Variants in CAMSAP1 observed in about 807,000 individuals in gnomAD.
The protein encoded by CAMSAP1 is calmodulin regulated spectrin associated protein 1.
In CAMSAP1, 58 loss-of-function variants were observed where a neutral mutation model predicts 143.5. The observed-to-expected ratio is 0.40, with a 90% CI of 0.33 to 0.50. The LOEUF is 0.50. Among genes scored for constraint, CAMSAP1 ranks in the 20% least tolerant of loss-of-function variants. CAMSAP1 has a pLI of 0.45. For synonymous variants in CAMSAP1, 945 were observed against 859.3 expected (o/e 1.10, Z -1.74); for missense variants, 1,969 against 2,115.7 (o/e 0.93, Z 1.36).
intron 1 of CAMSAP1, among the ~76,000 whole-genome samples, chr9:135,897,285 T>C (rs989378068): frequency 6.6e-6 from 1 of 152,038 alleles, no homozygotes; most frequent in African/African-American, 2.4e-5. Flanking sequence ...CCTGAGTAGC[T>C]GGGACTACAG....
chr9:135,827,647 C>A (rs888919954), intron 7 of CAMSAP1, 63 bp from the exon 8 acceptor site: 5 of 1,395,820 alleles, frequency 3.6e-6, no homozygotes, highest in African/African-American at 2.9e-5. Flanking sequence ...GAAAACCTAA[C>A]CTGCAGCTTT....
chr9:135,810,982 G>A lies in CAMSAP1; in HGVS notation c.*327C>T, dbSNP rs923161305. The A allele has an allele frequency of 1.9e-5, 7 of 360,126 alleles. No individual in the cohort carries two copies. Among genetic ancestry groups the A allele is most frequent in the African/African-American group, 1.2e-4 (6 of 48,512 alleles). 22.3% of individuals were successfully genotyped at this position (360,126 alleles called of 1,614,324 possible). A position where few individuals can be genotyped will look rare whatever the true frequency, so the allele number is the denominator to read the frequency against. On this transcript the variant is annotated 3_prime_UTR_variant, in exon 17 of 17. Coordinates refer to ENST00000389532, the MANE Select transcript of CAMSAP1 (RefSeq NM_015447.4). ...CTGAAGGAGAACTTCAAGTAAGGGA[G>A]CTCCGTGGCCCGGGACCTGGCTGTG...
chr9:135,894,322 G>A (rs1008979918), intron 1 of CAMSAP1, among the ~76,000 whole-genome samples: 1 of 152,148 alleles, frequency 6.6e-6, no homozygotes, highest in South Asian at 2.1e-4. Context: ...CACTGGTCAC[G>A]GGACTCCTCT....
At position 135,823,631 on chromosome 9, in the gene CAMSAP1, G is replaced by A. The variant is rs181324337; in HGVS notation, c.1400+319C>T. 1.1e-3 allele frequency among the ~76,000 whole-genome samples: 164 copies of A among 152,260 alleles called. 1 individual carries two copies. Among genetic ancestry groups the A allele is most frequent in the African/African-American group, 3.6e-3 (149 of 41,524 alleles). On this transcript the variant is annotated intron_variant, in intron 10 of 16. Coordinates refer to ENST00000389532, the MANE Select transcript of CAMSAP1 (RefSeq NM_015447.4). ...GACAAATGACTATATTCGCCAGAAC[G>A]GAAGAAGTTCCTAGTGTTAAGGGCA... is the stretch of plus-strand genomic sequence containing the variant.
chr9:135,832,317 GATC>G (rs1410467122), intron 7 of CAMSAP1, among the ~76,000 whole-genome samples: 4 of 151,756 alleles, frequency 2.6e-5, no homozygotes, highest in Admixed American at 2.0e-4. Flanking sequence ...AATACCACAT[GATC>G]ATCTCAACAA....
intron 1 of CAMSAP1, among the ~76,000 whole-genome samples, chr9:135,899,304 A>G (rs1838549118): frequency 6.6e-6 from 1 of 151,976 alleles, no homozygotes; most frequent in African/African-American, 2.4e-5. Flanking sequence ...AAAGGTCCAA[A>G]ATGGCCGGGC....
At chr9:135,889,827 C>T (rs1838232518) in intron 1 of CAMSAP1, among the ~76,000 whole-genome samples, 1 of 152,140 alleles carries the variant, frequency 6.6e-6, no homozygotes, top group South Asian at 2.1e-4. Context: ...CGGCCGGCCA[C>T]CCTCATTCAC....
In CAMSAP1 at chr9:135,821,458, T is replaced by C. The variant is rs2131658799; in HGVS notation, c.3203A>G (p.Lys1068Arg). Residue 1068 changes from lysine (K) to arginine (R), a missense_variant, in exon 11 of 17, where the codon AAA (lysine) becomes AGA (arginine). This residue lies in a region of CAMSAP1 where 1,390 missense variants were observed against 1,420.8 expected (regional missense o/e 0.98). Coordinates refer to ENST00000389532, the MANE Select transcript of CAMSAP1 (RefSeq NM_015447.4). The surrounding 1 kb of genome is among the most constrained non-coding windows in gnomAD (Gnocchi z 4.6). ...CACGAAGTGGACTGGTGCCTTCACT[T>C]TGTGGTCCTGCGAGTTATTCTTAGA... ...PGSKNNSQDH[K>R]VKAPVHFVEP... 4 of 1,614,018 alleles carry C rather than the reference T, an allele frequency of 2.5e-6. No homozygotes were observed. The highest frequency in any genetic ancestry group is 1.1e-5 in the South Asian group (1 of 91,086).
Position 135,850,210 on chromosome 9 carries a change from C to G in CAMSAP1, c.972G>C (p.Ala324=), listed in dbSNP as rs774480060. ...VLKPNVMVFI[A]ELFWWFENVK... ...CATTCTCGAACCACCAAAAAAGCTC[C>G]GCAATAAAAACCATAACATTCGGCT... The change falls in exon 7 of 17, where the codon GCG becomes GCC. Residue 324 remains alanine (A), a synonymous_variant. Transcript: ENST00000389532. 2 of 1,612,810 alleles carry G rather than the reference C, an allele frequency of 1.2e-6. No homozygotes were observed. Among genetic ancestry groups the G allele is most frequent in the African/African-American group, 2.7e-5 (2 of 74,872 alleles).
chr9:135,907,131 G>A lies in CAMSAP1; in HGVS notation c.29C>T (p.Ala10Val). MVDASGRAA[A>V]EGWRKMEAPP... ...GGCCTCCATCTTCCTCCAGCCCTCG[G>A]CGGCGGCGCGGCCGCTCGCGTCCAC... The change falls in exon 1 of 17, where the codon GCC (alanine) becomes GTC (valine). Residue 10 changes from alanine (A) to valine (V), a missense_variant. By Grantham distance (64) the Ala-to-Val change is moderately conservative. This residue lies in a region of CAMSAP1 where 215 missense variants were observed against 196.2 expected (regional missense o/e 1.10). Coordinates refer to ENST00000389532, the MANE Select transcript of CAMSAP1 (RefSeq NM_015447.4). 9.0e-7 allele frequency: 1 copy of A among 1,117,186 alleles called. No homozygotes were observed. Among genetic ancestry groups the A allele is most frequent in the South Asian group, 3.9e-5 (1 of 25,570 alleles). The allele number at this position is 1,117,186 out of a possible 1,614,324, so 69.2% of individuals were successfully genotyped here. A position where few individuals can be genotyped will look rare whatever the true frequency, so the allele number is the denominator to read the frequency against.
At chr9:135,831,205 A>G (rs1273173801) in intron 7 of CAMSAP1, among the ~76,000 whole-genome samples, 1 of 152,210 alleles carries the variant, frequency 6.6e-6, no homozygotes, top group Non-Finnish European at 1.5e-5. Context: ...ATGATTGACA[A>G]ATACGTGGAA....
At chr9:135,886,100 T>C (rs1408637451) in intron 1 of CAMSAP1, among the ~76,000 whole-genome samples, 2 of 152,212 alleles carry the variant, frequency 1.3e-5, no homozygotes, top group African/African-American at 4.8e-5. Flanking sequence ...TCAATGTATT[T>C]CTAATAGTTT....
chr9:135,884,311 T>C (rs1159018680), intron 1 of CAMSAP1, among the ~76,000 whole-genome samples: 1 of 152,070 alleles, frequency 6.6e-6, no homozygotes, highest in African/African-American at 2.4e-5. Context: ...CCTAAGCTCT[T>C]CCCCAGGGGA....
At chr9:135,899,125 GC>G (rs1564463930) in intron 1 of CAMSAP1, among the ~76,000 whole-genome samples, 2 of 152,232 alleles carry the variant, frequency 1.3e-5, no homozygotes, top group Non-Finnish European at 2.9e-5. Flanking sequence ...GAGCAGTGAA[GC>G]CCTGGGTGGG....
intron 3 of CAMSAP1, 42 bp from the exon 4 acceptor site, chr9:135,866,578 C>G (rs1837386992): frequency 2.2e-6 from 2 of 923,586 alleles, no homozygotes; most frequent in African/African-American, 3.3e-5. Context: ...AATTGCTGTC[C>G]CGCACAATTG....
intron 7 of CAMSAP1, among the ~76,000 whole-genome samples, chr9:135,837,497 T>C (rs112512222): frequency 0.018 from 2,650 of 148,096 alleles, 83 homozygotes; most frequent in African/African-American, 0.064. Flanking sequence ...CATCATGCAC[T>C]TTCTACCGGT....
intron 5 of CAMSAP1, among the ~76,000 whole-genome samples, chr9:135,854,170 C>T (rs1380795428): frequency 6.6e-6 from 1 of 152,180 alleles, no homozygotes; most frequent in African/African-American, 2.4e-5. Flanking sequence ...AAGTTGGTCC[C>T]TGTGGATGTA....
rs1835334926 is a variant in CAMSAP1 at position 135,818,792 on chromosome 9, AC to A, written c.3960-177del. ...GCAAAGGCAGTCCTGCAGATGACCC[AC>A]CGAGGCCACACAGCCTCCCTGGCCA... On this transcript the variant is annotated intron_variant, in intron 12 of 16. Transcript: ENST00000389532. This position sits in a 1 kb window ranked among gnomAD's most constrained non-coding sequence, Gnocchi z 7.7. 9.5e-7 allele frequency: 1 copy of A among 1,055,486 alleles called. No homozygotes were observed. The highest frequency in any genetic ancestry group is 1.3e-6 in the Non-Finnish European group (1 of 745,434). The allele number at this position is 1,055,486 out of a possible 1,614,324, so 65.4% of individuals were successfully genotyped here.
At chr9:135,812,631 A>G (rs879855691) in intron 16 of CAMSAP1, among the ~76,000 whole-genome samples, 3 of 152,232 alleles carry the variant, frequency 2.0e-5, no homozygotes, top group Admixed American at 6.5e-5. Flanking sequence ...ACTGAATGGT[A>G]TAACTTAAAA....
Sources: allele counts gnomAD v4.1 joint callset (sites outside exome capture counted in the v4.1 genomes callset), GRCh38; gene constraint gnomAD v4.1.1; regional missense constraint gnomAD v4.1.1; non-coding constraint Gnocchi (gnomAD v3.1); transcripts MANE v1.5; gene names NCBI Gene and HGNC (gene_info 2026-07-23, HGNC 2026-07-21).